EFCAB6: variants seen among roughly 807,000 people sequenced by gnomAD.
The protein encoded by EFCAB6 is EF-hand calcium-binding domain-containing protein 6.
In EFCAB6, 156 loss-of-function variants were observed where a neutral mutation model predicts 169.8. The ratio of observed to expected loss-of-function variants is 0.92; its 90% CI spans 0.81 to 1.05. EFCAB6 has a LOEUF of 1.05. Ranked by LOEUF, EFCAB6 falls within the 50% of genes least tolerant of loss-of-function variation. The pLI, the probability that EFCAB6 is intolerant of heterozygous loss-of-function variation, is 0.00. For missense variants in EFCAB6, 1,800 were observed against 1,829.1 expected (o/e 0.98, Z 0.29); for synonymous variants, 698 against 676.4 (o/e 1.03, Z -0.50).
At chr22:43,757,939 A>C (rs2061017350) in intron 5 of EFCAB6, among the ~76,000 whole-genome samples, 1 of 152,076 alleles carries the variant, frequency 6.6e-6, no homozygotes, top group South Asian at 2.1e-4. Flanking sequence ...TTTCACTTTT[A>C]ATCTTTCTTT....
intron 17 of EFCAB6, among the ~76,000 whole-genome samples, chr22:43,660,828 G>A (rs1364021293): frequency 6.6e-6 from 1 of 152,112 alleles, no homozygotes; most frequent in Non-Finnish European, 1.5e-5. Flanking sequence ...AAGCAACCAG[G>A]GTGTCTGATG....
In EFCAB6 at chr22:43,669,103, T is replaced by C. The variant is rs1603099720; in HGVS notation, c.1641-58A>G. 2.8e-6 allele frequency: 4 copies of C among 1,439,032 alleles called. No individual in the cohort carries two copies. In the East Asian group the frequency reaches 9.9e-5, roughly 36 times the overall value. The allele number at this position is 1,439,032 out of a possible 1,614,324, so 89.1% of individuals were successfully genotyped here. On this transcript the variant is annotated intron_variant, in intron 15 of 31. Transcript: ENST00000262726. ...GTAGAGTAATTAAAACGGAAAAGAC[T>C]GACCCTGCCAAGGGTTGGTGAAGAT...
intron 2 of EFCAB6, among the ~76,000 whole-genome samples, chr22:43,786,783 T>C (rs1225859831): frequency 6.6e-6 from 1 of 151,784 alleles, no homozygotes; most frequent in Non-Finnish European, 1.5e-5. Flanking sequence ...CAATATTCCT[T>C]ATGAGTATAG....
At chr22:43,777,993 T>A (rs958220743) in intron 3 of EFCAB6, among the ~76,000 whole-genome samples, 1 of 152,158 alleles carries the variant, frequency 6.6e-6, no homozygotes, top group Non-Finnish European at 1.5e-5. Context: ...ACTGTCACCC[T>A]AACAATGAGA....
chr22:43,584,325 G>A (rs2050918393), intron 24 of EFCAB6, among the ~76,000 whole-genome samples: 1 of 152,192 alleles, frequency 6.6e-6, no homozygotes. Context: ...AAAAGCCTTT[G>A]GAGGCACAGG....
chr22:43,627,881 C>A (rs2054635441), intron 19 of EFCAB6, among the ~76,000 whole-genome samples: 1 of 152,150 alleles, frequency 6.6e-6, no homozygotes, highest in Middle Eastern at 3.2e-3. Flanking sequence ...ATTCATTCAC[C>A]AAAAATTATT....
intron 17 of EFCAB6, among the ~76,000 whole-genome samples, chr22:43,640,421 T>C (rs1465348153): frequency 1.3e-5 from 2 of 152,230 alleles, no homozygotes; most frequent in Non-Finnish European, 2.9e-5. Context: ...TCAGTTCTTG[T>C]ATCCTTAGCT....
chr22:43,613,094 A>G (rs1426810511), intron 21 of EFCAB6, among the ~76,000 whole-genome samples: 4 of 148,430 alleles, frequency 2.7e-5, no homozygotes, highest in African/African-American at 9.8e-5. Context: ...AGAAATATAA[A>G]TCATTCTAAA....
At chr22:43,652,760 GA>G (rs1054213778) in intron 17 of EFCAB6, among the ~76,000 whole-genome samples, 3 of 132,290 alleles carry the variant, frequency 2.3e-5, no homozygotes, top group South Asian at 2.4e-4. Context: ...TATCCAGAAA[GA>G]AAAAAAAACA....
At chr22:43,779,357 C>A (rs2148018225) in intron 3 of EFCAB6, among the ~76,000 whole-genome samples, 1 of 152,232 alleles carries the variant, frequency 6.6e-6, no homozygotes, top group South Asian at 2.1e-4. Flanking sequence ...ATATGTTGTG[C>A]ATGCGTGAAA....
intron 23 of EFCAB6, among the ~76,000 whole-genome samples, chr22:43,594,915 A>C (rs1467873158): frequency 1.3e-5 from 2 of 152,246 alleles, no homozygotes; most frequent in Non-Finnish European, 2.9e-5. Flanking sequence ...GAAAAAGTCA[A>C]CATCATATCA....
chr22:43,534,904 C>T (rs766722497), intron 29 of EFCAB6, 32 bp from the exon 30 acceptor site: 40 of 1,574,272 alleles, frequency 2.5e-5, no homozygotes, highest in Middle Eastern at 3.4e-4. Context: ...CAATTGGTGG[C>T]GATTCATTCA....
At chr22:43,682,876 A>C (rs1357930849) in intron 12 of EFCAB6, among the ~76,000 whole-genome samples, 1 of 152,240 alleles carries the variant, frequency 6.6e-6, no homozygotes, top group Non-Finnish European at 1.5e-5. Flanking sequence ...CTGAATCCAC[A>C]CTGTGCTCGG....
chr22:43,759,741 A>G (rs1234677109), intron 5 of EFCAB6: 1 of 152,204 alleles, frequency 6.6e-6, no homozygotes, highest in African/African-American at 2.4e-5. Context: ...TTTAATCTTC[A>G]TGCTGCTTCC....
chr22:43,618,783 C>A (rs1427640484), intron 20 of EFCAB6, among the ~76,000 whole-genome samples: 1 of 152,160 alleles, frequency 6.6e-6, no homozygotes, highest in Admixed American at 6.5e-5. Context: ...TCTGAGACTG[C>A]ACTTTTGTAA....
chr22:43,723,721 T>C (rs1341359387), intron 8 of EFCAB6, among the ~76,000 whole-genome samples: 1 of 152,226 alleles, frequency 6.6e-6, no homozygotes. Flanking sequence ...TCCAGAGTTA[T>C]GGCATAAGCC....
intron 27 of EFCAB6, among the ~76,000 whole-genome samples, chr22:43,549,274 T>A (rs566837960): frequency 2.0e-5 from 3 of 152,038 alleles, no homozygotes; most frequent in Non-Finnish European, 4.4e-5. Flanking sequence ...AACGAAAAGT[T>A]GATAATTTGA....
intron 17 of EFCAB6, among the ~76,000 whole-genome samples, chr22:43,662,308 C>T (rs1414165522): frequency 1.3e-5 from 2 of 152,092 alleles, no homozygotes; most frequent in Non-Finnish European, 2.9e-5. Flanking sequence ...CACAGGGCCC[C>T]ATCCACCTGC....
intron 3 of EFCAB6, among the ~76,000 whole-genome samples, chr22:43,780,953 G>C (rs1417455897): frequency 2.6e-5 from 4 of 152,198 alleles, no homozygotes; most frequent in Admixed American, 1.3e-4. Context: ...TTCATGCAGT[G>C]CTTTGTAAGT....
Sources: gnomAD v4.1 joint callset for allele counts (sites outside exome capture counted in the v4.1 genomes callset) on GRCh38, gnomAD v4.1.1 for gene constraint, MANE v1.5 for transcripts, NCBI Gene and HGNC (gene_info 2026-07-23, HGNC 2026-07-21) for gene names.